DPY19L1: variants seen among roughly 807,000 people sequenced by gnomAD.
DPY19L1 encodes the protein protein C-mannosyl-transferase DPY19L1.
Under a neutral mutation model 96.9 loss-of-function variants are expected in DPY19L1, and 35 were observed. The ratio of observed to expected loss-of-function variants is 0.36; its 90% CI spans 0.28 to 0.48. The LOEUF (loss-of-function observed/expected upper bound fraction) is 0.48. Among genes scored for constraint, DPY19L1 ranks in the 20% least tolerant of loss-of-function variants. DPY19L1 has a pLI of 0.99. For synonymous variants in DPY19L1, 205 were observed against 252.6 expected, an observed-to-expected ratio of 0.81 and a Z score of 1.79; for missense variants, 521 against 777.9, an observed-to-expected ratio of 0.67 and a Z score of 3.93.
intron 1 of DPY19L1, among the ~76,000 whole-genome samples, chr7:35,030,702 TAGAA>T (rs1223895429): frequency 1.3e-5 from 2 of 152,026 alleles, no homozygotes; most frequent in African/African-American, 2.4e-5. Context: ...GCTGAGAAAA[TAGAA>T]AGCAGTATTA....
chr7:35,026,699 G>A (rs1584263467), intron 1 of DPY19L1, among the ~76,000 whole-genome samples: 1 of 152,290 alleles, frequency 6.6e-6, no homozygotes, highest in East Asian at 1.9e-4. Context: ...AAGGAAAAGG[G>A]AAATATATTA....
chr7:35,017,233 C>T lies in DPY19L1; in HGVS notation c.411+649G>A, dbSNP rs1191956153. Among the ~76,000 whole-genome samples the T allele has an allele frequency of 2.6e-5, 4 of 151,944 alleles. No homozygotes were observed. In the East Asian group the frequency reaches 7.8e-4, roughly 29 times the overall value. On this transcript the variant is annotated intron_variant, in intron 3 of 21. Transcript: ENST00000638088. ...AGTTGGCCGGGCACGGTGGCTCACG[C>T]CTGTAATCCCAGCACTTTGGGAGGC...
chr7:35,022,658 A>G (rs1786021375), intron 1 of DPY19L1, among the ~76,000 whole-genome samples: 1 of 152,236 alleles, frequency 6.6e-6, no homozygotes, highest in South Asian at 2.1e-4. Context: ...CACAAAGCTG[A>G]GCACGCTCAA....
chr7:34,946,887 T>C (rs887974289), intron 15 of DPY19L1, among the ~76,000 whole-genome samples: 4 of 152,240 alleles, frequency 2.6e-5, no homozygotes, highest in African/African-American at 9.6e-5. Context: ...AAATGTTCTA[T>C]ACAAAGCAGA....
At chr7:34,954,364 T>A (rs1784329533) in intron 13 of DPY19L1, among the ~76,000 whole-genome samples, 1 of 152,096 alleles carries the variant, frequency 6.6e-6, no homozygotes, top group South Asian at 2.1e-4. Flanking sequence ...CAATTAAGGC[T>A]CTAAAGATGG....
At chr7:35,022,176 T>C (rs1363616104) in intron 1 of DPY19L1, among the ~76,000 whole-genome samples, 3 of 152,194 alleles carry the variant, frequency 2.0e-5, no homozygotes, top group Admixed American at 2.0e-4. Flanking sequence ...AAATTGATAA[T>C]CCATTTATTT....
chr7:35,002,439 A>T (rs1400582769), intron 6 of DPY19L1, among the ~76,000 whole-genome samples: 1 of 152,126 alleles, frequency 6.6e-6, no homozygotes, highest in East Asian at 1.9e-4. Context: ...GGGGGGAAAA[A>T]AAAGAAAATT....
At chr7:34,992,717 C>T (rs1203644370) in intron 6 of DPY19L1, among the ~76,000 whole-genome samples, 2 of 151,866 alleles carry the variant, frequency 1.3e-5, no homozygotes, top group East Asian at 1.9e-4. Context: ...TAGTTAATAA[C>T]CCCTGTTAAA....
intron 10 of DPY19L1, among the ~76,000 whole-genome samples, chr7:34,959,036 A>G (rs545692377): frequency 2.7e-4 from 41 of 152,266 alleles, no homozygotes; most frequent in Admixed American, 2.7e-3. Context: ...AAAAAAAACC[A>G]TCAAAAAGTG....
chr7:35,035,472 T>C (rs1334332122), intron 1 of DPY19L1, among the ~76,000 whole-genome samples: 2 of 152,222 alleles, frequency 1.3e-5, no homozygotes, highest in African/African-American at 4.8e-5. Flanking sequence ...TATTCTAAGA[T>C]TTGTTATTGT....
intron 13 of DPY19L1, among the ~76,000 whole-genome samples, chr7:34,950,682 T>G (rs1339482974): frequency 6.6e-6 from 1 of 152,134 alleles, no homozygotes; most frequent in Non-Finnish European, 1.5e-5. Flanking sequence ...GGCAGGTATG[T>G]GATGAAGCAT....
At chr7:35,034,396 C>CA (rs1478657024) in intron 1 of DPY19L1, among the ~76,000 whole-genome samples, 1 of 152,124 alleles carries the variant, frequency 6.6e-6, no homozygotes, top group East Asian at 1.9e-4. Context: ...CAGCTGTGGT[C>CA]AAAAAAGTTT....
intron 21 of DPY19L1, among the ~76,000 whole-genome samples, chr7:34,935,649 CT>C (rs1245651657): frequency 6.6e-6 from 1 of 152,156 alleles, no homozygotes; most frequent in Non-Finnish European, 1.5e-5. Context: ...AGTTCCCCAT[CT>C]GCTTCCCCCA....
chr7:34,936,256 C>A (rs892590959), intron 21 of DPY19L1, among the ~76,000 whole-genome samples: 2 of 151,444 alleles, frequency 1.3e-5, no homozygotes, highest in African/African-American at 4.8e-5. Context: ...TAAAACAGTG[C>A]TCTGCCTACC....
Position 34,945,693 on chromosome 7 carries a change from G to C in DPY19L1, c.1518C>G (p.Val506=). ...VRKIISDMWG[V]LAKQQTHVRK... ...TTACATGTGTCTGTTGTTTAGCTAA[G>C]ACACCCCACATATCACTAATAATCT... Residue 506 remains valine, a synonymous_variant, in exon 16 of 22, where the codon GTC becomes GTG. Transcript: ENST00000638088. 6.2e-7 allele frequency: 1 copy of C among 1,602,406 alleles called. No homozygotes were observed. Among genetic ancestry groups the C allele is most frequent in the Non-Finnish European group, 8.5e-7 (1 of 1,174,022 alleles).
chr7:34,941,145 C>A (rs189425062), intron 18 of DPY19L1, among the ~76,000 whole-genome samples: 2 of 152,096 alleles, frequency 1.3e-5, no homozygotes, highest in Non-Finnish European at 2.9e-5. Context: ...CCCTAGAGTG[C>A]GCAGTGTAGG....
chr7:34,973,220 G>C (rs527613529), intron 8 of DPY19L1, among the ~76,000 whole-genome samples: 1 of 152,100 alleles, frequency 6.6e-6, no homozygotes, highest in East Asian at 1.9e-4. Flanking sequence ...ATTTTCAAGA[G>C]GTTACAGTGG....
chr7:34,936,310 C>T (rs1622984), intron 21 of DPY19L1, among the ~76,000 whole-genome samples: 37,963 of 145,850 alleles, frequency 0.26, 4,416 homozygotes, highest in Non-Finnish European at 0.31. Flanking sequence ...GGGAGCTCTC[C>T]CAACACTCTA....
chr7:35,026,067 T>C (rs1202624860), intron 1 of DPY19L1, among the ~76,000 whole-genome samples: 1 of 152,152 alleles, frequency 6.6e-6, no homozygotes, highest in Non-Finnish European at 1.5e-5. Flanking sequence ...CCCCTAAATC[T>C]GAACTCCAGG....
Sources: gnomAD v4.1 joint callset for allele counts (sites outside exome capture counted in the v4.1 genomes callset) on GRCh38, gnomAD v4.1.1 for gene constraint, MANE v1.5 for transcripts, NCBI Gene and HGNC (gene_info 2026-07-23, HGNC 2026-07-21) for gene names.